The following CDC23 variants were observed in gnomAD, a reference collection of about 807,000 sequenced individuals.
CDC23 encodes cell division cycle 23.
CDC23 carries 26 observed loss-of-function variants against 81.7 expected under a neutral mutation model. That is an observed-to-expected ratio of 0.32 (90% confidence interval 0.23 to 0.44). The LOEUF (loss-of-function observed/expected upper bound fraction) is 0.44, where lower values mean the gene tolerates loss of function less well. CDC23 is among the 20% of genes least tolerant of loss of function. The pLI is 1.00. For synonymous variants in CDC23, 267 were observed against 270.8 expected, an observed-to-expected ratio of 0.99 and a Z score of 0.14; for missense variants, 519 against 728.0, an observed-to-expected ratio of 0.71 and a Z score of 3.30.
chr5:138,191,594 T>C (rs1472318259), intron 12 of CDC23, 59 bp from the exon 13 acceptor site: 4 of 1,507,364 alleles, frequency 2.7e-6, no homozygotes, highest in Non-Finnish European at 3.7e-6. Context: ...AACTAAATCA[T>C]ATGAAGGTTA....
At chr5:138,196,767 A>G (rs1420526415) in intron 9 of CDC23, among the ~76,000 whole-genome samples, 2 of 147,520 alleles carry the variant, frequency 1.4e-5, no homozygotes, top group Non-Finnish European at 3.0e-5. Flanking sequence ...TTTTTTGTAG[A>G]GATGGGGTTT....
At chr5:138,201,701 CCT>C (rs1321869776) in intron 4 of CDC23, among the ~76,000 whole-genome samples, 1 of 152,094 alleles carries the variant, frequency 6.6e-6, no homozygotes, top group Non-Finnish European at 1.5e-5. Flanking sequence ...ACACCTGAAA[CCT>C]CTAGCAAACA....
At chr5:138,210,638 A>G (rs1755103382) in intron 2 of CDC23, among the ~76,000 whole-genome samples, 1 of 152,264 alleles carries the variant, frequency 6.6e-6, no homozygotes, top group South Asian at 2.1e-4. Flanking sequence ...GTCCCTAGAG[A>G]AGACCTGAAA....
Position 138,197,501 on chromosome 5 carries a change from T to A in CDC23, c.1012+698A>T, listed in dbSNP as rs868392345. On this transcript the variant is annotated intron_variant, in intron 9 of 15. Coordinates refer to ENST00000394886, the MANE Select transcript of CDC23 (RefSeq NM_004661.4). ...TAACATGTAATACATATTTATTTTTTTTTTTTTTTTTTTGAGACGGAGTCT... is the reference window on the plus strand; with the variant it reads ...TAACATGTAATACATATTTATTTTTATTTTTTTTTTTTTGAGACGGAGTCT... 1.8e-4 allele frequency among the ~76,000 whole-genome samples: 27 copies of A among 149,362 alleles called. No individual in the cohort carries two copies. The South Asian group carries it at 1.9e-3, about 10-fold the overall frequency.
intron 2 of CDC23, among the ~76,000 whole-genome samples, chr5:138,212,451 T>C (rs1755124140): frequency 6.6e-6 from 1 of 152,130 alleles, no homozygotes; most frequent in Non-Finnish European, 1.5e-5. Context: ...CCCGAGTAAC[T>C]GGGATTACAG....
intron 8 of CDC23, 48 bp downstream of exon 8, chr5:138,198,378 T>G: frequency 6.3e-7 from 1 of 1,592,052 alleles, no homozygotes; most frequent in South Asian, 1.1e-5. Context: ...CAACCCAGAT[T>G]AGTGCACAAA....
chr5:138,189,651 C>T lies in CDC23; in HGVS notation c.1605G>A (p.Lys535=), dbSNP rs780308031. ...LWDEASTCAQ[K]CCAFNDTREE... Reference sequence around the variant, plus strand: ...TACTCACATCATTAAATGCACAACACTTTTGTGCACAAGTTGAAGCTTCAT... The same window carrying T: ...TACTCACATCATTAAATGCACAACATTTTTGTGCACAAGTTGAAGCTTCAT... The change falls in exon 15 of 16, where the codon AAG becomes AAA. Residue 535 remains lysine, a synonymous_variant. Coordinates refer to ENST00000394886, the MANE Select transcript of CDC23 (RefSeq NM_004661.4). The T allele has an allele frequency of 6.2e-7, 1 of 1,613,576 alleles. No individual in the cohort carries two copies. The highest frequency in any genetic ancestry group is 8.5e-7 in the Non-Finnish European group (1 of 1,179,706).
At chr5:138,194,214 C>T (rs1278681033) in intron 9 of CDC23, among the ~76,000 whole-genome samples, 1 of 152,098 alleles carries the variant, frequency 6.6e-6, no homozygotes, top group Non-Finnish European at 1.5e-5. Flanking sequence ...GGATGGGAGG[C>T]TGAGGTGGGA....
chr5:138,201,535 C>T (rs930655419), intron 4 of CDC23, 87 bp from the exon 5 acceptor site: 14 of 952,326 alleles, frequency 1.5e-5, no homozygotes, highest in Non-Finnish European at 2.1e-5. Flanking sequence ...TTTCTAGAGA[C>T]AGGGTCTCGC....
At chr5:138,192,764 C>T (rs2126579736) in intron 9 of CDC23, 107 bp from the exon 10 acceptor site, 1 of 943,976 alleles carries the variant, frequency 1.1e-6, no homozygotes, top group Non-Finnish European at 1.6e-6. Flanking sequence ...AACCCATTCC[C>T]TCTAAAGTCC....
intron 9 of CDC23, among the ~76,000 whole-genome samples, chr5:138,197,849 CCAAA>C (rs1182239986): frequency 2.0e-5 from 3 of 152,172 alleles, no homozygotes; most frequent in East Asian, 3.8e-4. Context: ...ATCATGTTCA[CCAAA>C]CAATCTTCAG....
rs1462944518 is a variant in CDC23 at position 138,205,838 on chromosome 5, CTT to C, written c.372+707_372+708del. On this transcript the variant is annotated intron_variant, in intron 3 of 15. Transcript: ENST00000394886. Reference sequence around the variant, plus strand: ...ATCTGCATTGCTCCAAAACCCAAAACTTTTTCAGCACCAATGACACTCAAAGC... The same window carrying C: ...ATCTGCATTGCTCCAAAACCCAAAACTTTCAGCACCAATGACACTCAAAGC... The C allele has an allele frequency of 4.6e-5, 7 of 152,140 alleles. No individual in the cohort carries two copies. The East Asian group carries it at 1.4e-3, about 29-fold the overall frequency. 9.4% of individuals were successfully genotyped at this position (152,140 alleles called of 1,614,324 possible).
chr5:138,205,552 G>A (rs1755038435), intron 3 of CDC23, among the ~76,000 whole-genome samples: 1 of 152,042 alleles, frequency 6.6e-6, no homozygotes, highest in Admixed American at 6.6e-5. Flanking sequence ...GGGAAAAATG[G>A]AGAGTTATTG....
chr5:138,204,501 T>C lies in CDC23; in HGVS notation c.372+2046A>G, dbSNP rs545120913. On this transcript the variant is annotated intron_variant, in intron 3 of 15. Transcript: ENST00000394886. ...GCCTGGGTGACAGAGAAAGACTCCA[T>C]TTCAAAAAAAAAAAAAAAAAGTACA... 2.3e-5 allele frequency among the ~76,000 whole-genome samples: 3 copies of C among 131,274 alleles called. No individual in the cohort carries two copies. The Admixed American group carries it at 2.5e-4, about 11-fold the overall frequency. 86.1% of individuals were successfully genotyped at this position (131,274 alleles called of 152,430 possible).
At chr5:138,190,755 A>C (rs1754817625) in intron 13 of CDC23, among the ~76,000 whole-genome samples, 1 of 152,102 alleles carries the variant, frequency 6.6e-6, no homozygotes. Flanking sequence ...AAAAAAGATA[A>C]CAAGTGGCCA....
chr5:138,206,025 G>GT (rs1250548675), intron 3 of CDC23: 1 of 153,200 alleles, frequency 6.5e-6, no homozygotes, highest in Non-Finnish European at 1.5e-5. Context: ...TACATAAAAT[G>GT]TTTTTTTAAT....
chr5:138,191,572 C>G, intron 12 of CDC23, 37 bp from the exon 13 acceptor site: 1 of 1,577,730 alleles, frequency 6.3e-7, no homozygotes, highest in Non-Finnish European at 8.7e-7. Flanking sequence ...TGACCATTGT[C>G]CCATGTGTCA....
intron 6 of CDC23, 113 bp downstream of exon 6, chr5:138,200,994 C>A: frequency 8.5e-7 from 1 of 1,181,506 alleles, no homozygotes. Flanking sequence ...AGAGGCGCAG[C>A]AAAGGGAGAA....
chr5:138,193,647 G>A (rs1291167508), intron 9 of CDC23, among the ~76,000 whole-genome samples: 2 of 150,520 alleles, frequency 1.3e-5, no homozygotes, highest in Admixed American at 1.3e-4. Flanking sequence ...AAAAAAACAG[G>A]TACCTCAAGG....
Sources: allele counts gnomAD v4.1 joint callset (sites outside exome capture counted in the v4.1 genomes callset), GRCh38; gene constraint gnomAD v4.1.1; transcripts MANE v1.5; gene names NCBI Gene and HGNC (gene_info 2026-07-23, HGNC 2026-07-21).